SMYD4: variants seen among roughly 807,000 people sequenced by gnomAD.
SMYD4 encodes SET and MYND domain containing 4.
A neutral mutation model predicts 72.8 loss-of-function variants in SMYD4; 68 were observed. That is an observed-to-expected ratio of 0.93 (90% CI 0.77 to 1.14). The LOEUF (loss-of-function observed/expected upper bound fraction) is 1.14. Ranked by LOEUF, SMYD4 falls within the 50% of genes most tolerant of loss-of-function variation. The pLI is 0.00. For synonymous variants in SMYD4, 407 were observed against 388.6 expected, an observed-to-expected ratio of 1.05 and a Z score of -0.56; for missense variants, 984 against 1,003.7, an observed-to-expected ratio of 0.98 and a Z score of 0.27.
intron 5 of SMYD4, among the ~76,000 whole-genome samples, chr17:1,794,037 GTATGTA>G (rs1403914987): frequency 8.3e-4 from 41 of 49,326 alleles, no homozygotes; most frequent in African/African-American, 3.0e-3. Context: ...ATATATATAT[GTATGTA>G]TATATATATG....
At chr17:1,807,356 G>A (rs1357633822) in intron 3 of SMYD4, among the ~76,000 whole-genome samples, 6 of 147,430 alleles carry the variant, frequency 4.1e-5, no homozygotes, top group South Asian at 2.2e-4. Context: ...ACAGAGTTTC[G>A]CTCTTTCGCC....
intron 2 of SMYD4, among the ~76,000 whole-genome samples, chr17:1,816,371 G>A (rs1910590879): frequency 6.6e-6 from 1 of 151,780 alleles, no homozygotes; most frequent in Non-Finnish European, 1.5e-5. Context: ...TGTAATCCCA[G>A]CACTTTGGGA....
In SMYD4 at chr17:1,794,081, G is replaced by GTGTATATATATATATATATATA. The variant is rs1454228796; in HGVS notation, c.1537+5775_1537+5776insTATATATATATATATATATACA. Among the ~76,000 whole-genome samples, 4 of 17,124 alleles carry GTGTATATATATATATATATATA rather than the reference G, an allele frequency of 2.3e-4. No homozygotes were observed. In the East Asian group the frequency reaches 3.2e-3, roughly 14 times the overall value. 11.2% of individuals were successfully genotyped at this position (17,124 alleles called of 152,430 possible). ...TGTATATATATGTGTATATATATGT[G>GTGTATATATATATATATATATA]TATATATATATATATATATATATAT... On this transcript the variant is annotated intron_variant, in intron 5 of 10. Coordinates refer to ENST00000305513, the MANE Select transcript of SMYD4 (RefSeq NM_052928.3).
At chr17:1,821,987 G>C (rs1465257970) in intron 2 of SMYD4, among the ~76,000 whole-genome samples, 1 of 151,316 alleles carries the variant, frequency 6.6e-6, no homozygotes, top group East Asian at 1.9e-4. Context: ...CACTTTGGGA[G>C]GCTGAGGCGG....
intron 2 of SMYD4, among the ~76,000 whole-genome samples, chr17:1,820,477 C>A (rs186068827): frequency 6.6e-6 from 1 of 152,244 alleles, no homozygotes; most frequent in Non-Finnish European, 1.5e-5. Context: ...TGGGCTCCAG[C>A]GATCCTCTTG....
intron 3 of SMYD4, among the ~76,000 whole-genome samples, chr17:1,810,199 C>G (rs1054001867): frequency 1.3e-5 from 2 of 152,036 alleles, no homozygotes; most frequent in African/African-American, 4.8e-5. Flanking sequence ...GCAAGGCAGG[C>G]GAGGGGCCCA....
rs1054551658 is a variant in SMYD4, at chr17:1,787,460, T to C, written c.1682A>G (p.Gln561Arg). The change falls in exon 6 of 11, where the codon CAG becomes CGG. Residue 561 changes from glutamine (Q) to arginine (R), a missense_variant. Gln to Arg is a conservative substitution (Grantham distance 43). Coordinates refer to ENST00000305513, the MANE Select transcript of SMYD4 (RefSeq NM_052928.3). ...AATCTCTTGCCCCTTTCTAATCCGC[T>C]GTGACGCCCGGATGGTGGCGACAGT... Reference protein sequence around the residue: ...ISTVATIRASQRIRKGQEILH... With the variant: ...ISTVATIRASRRIRKGQEILH... 5.1e-6 allele frequency: 8 copies of C among 1,563,406 alleles called. No homozygotes were observed. In the Admixed American group the frequency reaches 9.6e-5, roughly 19 times the overall value.
At chr17:1,782,767 CTTT>C (rs35909616) in intron 10 of SMYD4, 312 of 170,756 alleles carry the variant, frequency 1.8e-3, no homozygotes, top group South Asian at 3.9e-3. Context: ...GGAGGAAATT[CTTT>C]TTTTTTTTTT....
chr17:1,825,689 T>A (rs1461184564), intron 2 of SMYD4, among the ~76,000 whole-genome samples: 1 of 151,886 alleles, frequency 6.6e-6, no homozygotes. Context: ...TTTTTAAAAT[T>A]TGTTTATAGA....
At chr17:1,811,391 C>A (rs1168531116) in intron 3 of SMYD4, among the ~76,000 whole-genome samples, 1 of 152,112 alleles carries the variant, frequency 6.6e-6, no homozygotes, top group Non-Finnish European at 1.5e-5. Flanking sequence ...CTATATTGTC[C>A]AGGCTGGTCT....
Position 1,799,982 on chromosome 17 carries a change from G to C in SMYD4, c.1412C>G (p.Ser471Cys), listed in dbSNP as rs753463438. The C allele has an allele frequency of 2.5e-6, 4 of 1,613,900 alleles. No individual in the cohort carries two copies. In the African/African-American group the frequency reaches 4.0e-5, roughly 16 times the overall value. ...AGGTGTCACTGCTGCTTTAAGCTGA[G>C]AGGAGTTCACAATCCTCTCAGTTGG... is the stretch of plus-strand genomic sequence containing the variant. ...AIPTERIVNS[S>C]QLKAAVTPEL... The change falls in exon 5 of 11, where the codon TCT becomes TGT. Residue 471 changes from serine (S) to cysteine (C), a missense_variant. Ser to Cys is a moderately radical substitution (Grantham distance 112). Coordinates refer to ENST00000305513, the MANE Select transcript of SMYD4 (RefSeq NM_052928.3).
rs1909760966 is a variant in SMYD4 at position 1,801,624 on chromosome 17, TGA to T, written c.370-602_370-601del. Among the ~76,000 whole-genome samples the T allele has an allele frequency of 5.4e-5, 6 of 110,294 alleles. No homozygotes were observed. In the South Asian group the frequency reaches 1.6e-3, roughly 30 times the overall value. The allele number at this position is 110,294 out of a possible 152,430, so 72.4% of individuals were successfully genotyped here. Reference sequence around the variant, plus strand: ...AGCATGGTGACTAACAGGCAGGCTTTGAAAAAAAAAAAAAAAAAAAAAGAGGC... The same window carrying T: ...AGCATGGTGACTAACAGGCAGGCTTTAAAAAAAAAAAAAAAAAAAAGAGGC... On this transcript the variant is annotated intron_variant, in intron 4 of 10. Transcript: ENST00000305513.
At chr17:1,824,754 C>T (rs6503000) in intron 2 of SMYD4, among the ~76,000 whole-genome samples, 1 of 151,924 alleles carries the variant, frequency 6.6e-6, no homozygotes, top group East Asian at 1.9e-4. Flanking sequence ...TGAGTAGGTG[C>T]GGTTACAGGC....
chr17:1,789,530 A>C (rs186787599), intron 5 of SMYD4, among the ~76,000 whole-genome samples: 1 of 152,042 alleles, frequency 6.6e-6, no homozygotes, highest in South Asian at 2.1e-4. Flanking sequence ...TTGGGAGGCC[A>C]AGGCGGGCAG....
intron 2 of SMYD4, among the ~76,000 whole-genome samples, chr17:1,820,441 T>C (rs1458911258): frequency 1.3e-5 from 2 of 152,306 alleles, no homozygotes; most frequent in Non-Finnish European, 2.9e-5. Flanking sequence ...AGTCTCACTA[T>C]GTTGCCCAGG....
intron 5 of SMYD4, among the ~76,000 whole-genome samples, chr17:1,793,064 C>T (rs943269474): frequency 5.9e-5 from 9 of 152,098 alleles, no homozygotes; most frequent in Middle Eastern, 3.4e-3. Flanking sequence ...ACCACAAGCG[C>T]GCACCACCAC....
At chr17:1,785,623 G>A (rs1402034159) in intron 7 of SMYD4, among the ~76,000 whole-genome samples, 2 of 151,906 alleles carry the variant, frequency 1.3e-5, no homozygotes, top group African/African-American at 2.4e-5. Flanking sequence ...AGCTGGGCAT[G>A]GTGGTGCATG....
At chr17:1,801,965 C>G (rs57244010) in intron 4 of SMYD4, among the ~76,000 whole-genome samples, 27,483 of 151,634 alleles carry the variant, frequency 0.18, 3,943 homozygotes, top group African/African-American at 0.4. Flanking sequence ...GACAGAGCGA[C>G]ACTCTGTCTC....
intron 5 of SMYD4, among the ~76,000 whole-genome samples, chr17:1,792,567 G>A: frequency 6.6e-6 from 1 of 151,752 alleles, no homozygotes; most frequent in South Asian, 2.1e-4. Flanking sequence ...GTTGAACCCT[G>A]GAGGTCGAGG....
Sources: gnomAD v4.1 joint callset for allele counts (sites outside exome capture counted in the v4.1 genomes callset) on GRCh38, gnomAD v4.1.1 for gene constraint, MANE v1.5 for transcripts, NCBI Gene and HGNC (gene_info 2026-07-23, HGNC 2026-07-21) for gene names.